SLC44A5: variants seen among roughly 807,000 people sequenced by gnomAD.
The protein encoded by SLC44A5 is solute carrier family 44 member 5.
SLC44A5 carries 57 observed loss-of-function variants against 101.8 expected under a neutral mutation model. The observed-to-expected ratio is 0.56, with a 90% CI of 0.45 to 0.70. The LOEUF is 0.70. Among genes scored for constraint, SLC44A5 ranks in the 30% least tolerant of loss-of-function variants. SLC44A5 has a pLI of 0.00. For synonymous variants in SLC44A5, 281 were observed against 290.9 expected, an observed-to-expected ratio of 0.97 and a Z score of 0.35; for missense variants, 737 against 853.1, an observed-to-expected ratio of 0.86 and a Z score of 1.70.
intron 2 of SLC44A5, among the ~76,000 whole-genome samples, chr1:75,420,482 A>G (rs1663936691): frequency 6.6e-6 from 1 of 152,192 alleles, no homozygotes; most frequent in South Asian, 2.1e-4. Context: ...TAATTAGATT[A>G]AAAGTAAATT....
chr1:75,377,804 CTGCTG>C (rs1660723239), intron 3 of SLC44A5, among the ~76,000 whole-genome samples: 5 of 29,168 alleles, frequency 1.7e-4, no homozygotes, highest in Non-Finnish European at 2.7e-4. Context: ...ACGTGTTTGT[CTGCTG>C]ACCCTCTCCC....
At chr1:75,602,716 G>A (rs1675051119) in intron 1 of SLC44A5, among the ~76,000 whole-genome samples, 1 of 152,050 alleles carries the variant, frequency 6.6e-6, no homozygotes, top group Non-Finnish European at 1.5e-5. Flanking sequence ...TAAGAAAAAT[G>A]TGTTTTTCAC....
chr1:75,388,280 C>T (rs77275531), intron 3 of SLC44A5, among the ~76,000 whole-genome samples: 3,916 of 146,844 alleles, frequency 0.027, 172 homozygotes, highest in African/African-American at 0.093. Context: ...AATTCATTAC[C>T]ACTAGACCAG....
At chr1:75,681,266 C>T in the SLC44A5 span, among the ~76,000 whole-genome samples, 2 of 152,274 alleles carry the variant, frequency 1.3e-5, no homozygotes, top group African/African-American at 4.8e-5. Flanking sequence ...ATGAGGCCAG[C>T]ATCATTCTGA....
At chr1:75,513,142 G>A (rs1272837162) in intron 2 of SLC44A5, among the ~76,000 whole-genome samples, 1 of 152,174 alleles carries the variant, frequency 6.6e-6, no homozygotes, top group African/African-American at 2.4e-5. Context: ...ACTGAAGAGA[G>A]ACTTGAATCT....
At chr1:75,403,481 C>T (rs1028739046) in intron 2 of SLC44A5, among the ~76,000 whole-genome samples, 3 of 152,116 alleles carry the variant, frequency 2.0e-5, no homozygotes, top group South Asian at 4.1e-4. Context: ...CCCTCTGGGA[C>T]GAAGCTTCCA....
intron 5 of SLC44A5, among the ~76,000 whole-genome samples, chr1:75,299,794 A>G (rs1191403729): frequency 6.6e-6 from 1 of 151,704 alleles, no homozygotes; most frequent in Non-Finnish European, 1.5e-5. Flanking sequence ...GCAGATCATG[A>G]GGTCAGGAGA....
At chr1:75,662,534 T>C in the SLC44A5 span, among the ~76,000 whole-genome samples, 1 of 152,076 alleles carries the variant, frequency 6.6e-6, no homozygotes, top group Admixed American at 6.6e-5. Context: ...CACAAAGAAA[T>C]TATAAATGTT....
intron 2 of SLC44A5, among the ~76,000 whole-genome samples, chr1:75,476,704 C>T (rs976387194): frequency 3.9e-5 from 6 of 152,350 alleles, no homozygotes; most frequent in East Asian, 1.9e-4. Flanking sequence ...GCGGGAGGGG[C>T]GCCCGCCATT....
intron 7 of SLC44A5, 50 bp from the exon 8 acceptor site, chr1:75,243,061 G>A: frequency 1.3e-6 from 2 of 1,540,612 alleles, no homozygotes; most frequent in Non-Finnish European, 1.7e-6. Context: ...ACAAACCCAG[G>A]AACTACCTAT....
intron 7 of SLC44A5, among the ~76,000 whole-genome samples, chr1:75,246,222 T>C (rs1344425879): frequency 1.3e-5 from 2 of 152,216 alleles, no homozygotes; most frequent in East Asian, 1.9e-4. Context: ...GTGAATTACA[T>C]TGAAGGTTAA....
intron 1 of SLC44A5, among the ~76,000 whole-genome samples, chr1:75,552,707 A>G (rs896710889): frequency 1.3e-5 from 2 of 151,890 alleles, no homozygotes; most frequent in African/African-American, 4.8e-5. Flanking sequence ...TAATTTAACA[A>G]ATCTATCCTT....
chr1:75,575,111 TA>T (rs948553263), intron 1 of SLC44A5, among the ~76,000 whole-genome samples: 2 of 152,214 alleles, frequency 1.3e-5, no homozygotes, highest in Non-Finnish European at 2.9e-5. Flanking sequence ...TTTCTTTCCC[TA>T]AAATGACTTA....
intron 5 of SLC44A5, among the ~76,000 whole-genome samples, chr1:75,288,826 C>A (rs1057447694): frequency 6.6e-6 from 1 of 152,188 alleles, no homozygotes; most frequent in Non-Finnish European, 1.5e-5. Context: ...AAGGACAGTA[C>A]TGCATCTTCA....
At chr1:75,705,956 G>A in the SLC44A5 span, among the ~76,000 whole-genome samples, 1 of 152,204 alleles carries the variant, frequency 6.6e-6, no homozygotes, top group Non-Finnish European at 1.5e-5. Context: ...AGGATTACAG[G>A]TGTGAGCCAC....
At chr1:75,472,416 A>C (rs932077656) in intron 2 of SLC44A5, among the ~76,000 whole-genome samples, 3 of 152,182 alleles carry the variant, frequency 2.0e-5, no homozygotes, top group Non-Finnish European at 4.4e-5. Context: ...AGCCTGAAAA[A>C]AAATAAATTT....
At chr1:75,337,528 T>C (rs141853577) in intron 4 of SLC44A5, among the ~76,000 whole-genome samples, 3 of 152,342 alleles carry the variant, frequency 2.0e-5, no homozygotes, top group Non-Finnish European at 4.4e-5. Flanking sequence ...TAATGCTGAA[T>C]ATCTTTTTCA....
chr1:75,380,230 C>T (rs1238316773), intron 3 of SLC44A5, among the ~76,000 whole-genome samples: 43 of 83,184 alleles, frequency 5.2e-4, no homozygotes, highest in Non-Finnish European at 7.5e-4. Flanking sequence ...CTCTCTGCTT[C>T]CAGGGGAGCC....
intron 2 of SLC44A5, among the ~76,000 whole-genome samples, chr1:75,525,545 G>A (rs1360102966): frequency 6.6e-6 from 1 of 151,842 alleles, no homozygotes; most frequent in African/African-American, 2.4e-5. Flanking sequence ...CTATAAAAAA[G>A]AAATAAAGGG....
Sources: allele counts gnomAD v4.1 joint callset (sites outside exome capture counted in the v4.1 genomes callset), GRCh38; gene constraint gnomAD v4.1.1; transcripts MANE v1.5; gene names NCBI Gene and HGNC (gene_info 2026-07-23, HGNC 2026-07-21).